NPNT: variants seen among roughly 807,000 people sequenced by gnomAD.
NPNT encodes preosteoblast EGF-like repeat protein with MAM domain.
In NPNT, 45 loss-of-function variants were observed where a neutral mutation model predicts 68.6. The ratio of observed to expected loss-of-function variants is 0.66; its 90% CI spans 0.52 to 0.84. The LOEUF is 0.84. NPNT is among the 40% of genes least tolerant of loss of function. The probability of loss-of-function intolerance (pLI) is 0.00; values close to 1 mark genes in which losing one functional copy is unlikely to be tolerated. For missense variants in NPNT, 672 were observed against 714.8 expected, an observed-to-expected ratio of 0.94 and a Z score of 0.68; for synonymous variants, 233 against 253.3, an observed-to-expected ratio of 0.92 and a Z score of 0.76.
rs75701372 is a variant in NPNT at position 105,916,088 on chromosome 4, A to C, written c.173-11248A>C. Among the ~76,000 whole-genome samples the C allele has an allele frequency of 4.5e-3, 686 of 152,342 alleles. 4 individuals carry two copies. The highest frequency in any genetic ancestry group is 0.016 in the African/African-American group (653 of 41,574). The stretch of plus-strand genomic sequence containing the variant: ...ATTTGTTTATATCAAGGGCTGAAAA[A>C]AAGTCATCCTCTACAAACATATTTT... On this transcript the variant is annotated intron_variant, in intron 2 of 11. Transcript: ENST00000379987.
At chr4:105,951,779 C>T (rs531357240) in intron 8 of NPNT, among the ~76,000 whole-genome samples, 15 of 152,232 alleles carry the variant, frequency 9.9e-5, no homozygotes, top group African/African-American at 3.1e-4. Context: ...TCATTCTCTC[C>T]AAAACGTATA....
In NPNT at chr4:105,967,241, C is replaced by A. The variant is rs371602917; in HGVS notation, c.1399C>A (p.Arg467Ser). Residue 467 changes from arginine to serine, a missense_variant, in exon 11 of 12, where the codon CGC (arginine) becomes AGC (serine). Transcript: ENST00000379987. ...AAKAPGGKAA[R>S]LVLPLGRLMH... ...CAAAGCCCCAGGGGGAAAAGCTGCA[C>A]GCTTGGTGCTACCTCTCGGCCGCCT... is the stretch of plus-strand genomic sequence containing the variant. The A allele has an allele frequency of 1.9e-6, 3 of 1,613,870 alleles. No individual in the cohort carries two copies. The highest frequency in any genetic ancestry group is 2.5e-6 in the Non-Finnish European group (3 of 1,179,962).
intron 2 of NPNT, among the ~76,000 whole-genome samples, chr4:105,902,988 C>A (rs1726542789): frequency 6.6e-6 from 1 of 152,138 alleles, no homozygotes; most frequent in African/African-American, 2.4e-5. Flanking sequence ...ACTTCTTAAG[C>A]TAGAAGGCCA....
At chr4:105,938,226 G>C in intron 4 of NPNT, 75 bp from the exon 5 acceptor site, 1 of 1,473,812 alleles carries the variant, frequency 6.8e-7, no homozygotes, top group Non-Finnish European at 9.3e-7. Flanking sequence ...TTCAGGACAA[G>C]TGAAAAAACA....
intron 7 of NPNT, among the ~76,000 whole-genome samples, chr4:105,941,243 AG>A (rs1266118410): frequency 6.6e-6 from 1 of 152,110 alleles, no homozygotes; most frequent in East Asian, 1.9e-4. Context: ...CAGGAGGATG[AG>A]GTGCTAGGAT....
At chr4:105,937,470 G>T (rs978772347) in intron 4 of NPNT, among the ~76,000 whole-genome samples, 1 of 138,666 alleles carries the variant, frequency 7.2e-6, no homozygotes, top group Non-Finnish European at 1.6e-5. Context: ...AAAAAAAAAA[G>T]AACACTACTG....
At chr4:105,941,472 A>C (rs114802369) in intron 7 of NPNT, among the ~76,000 whole-genome samples, 1 of 152,210 alleles carries the variant, frequency 6.6e-6, no homozygotes, top group African/African-American at 2.4e-5. Flanking sequence ...AAAAAAACCC[A>C]AAAGTCATAA....
intron 2 of NPNT, among the ~76,000 whole-genome samples, chr4:105,917,862 A>G (rs1727945210): frequency 6.6e-6 from 1 of 152,244 alleles, no homozygotes; most frequent in African/African-American, 2.4e-5. Flanking sequence ...CAAGGGTCAT[A>G]TCATGAAATA....
chr4:105,967,566 T>C, intron 11 of NPNT, 122 bp downstream of exon 11: 3 of 971,730 alleles, frequency 3.1e-6, no homozygotes, highest in Non-Finnish European at 4.3e-6. Flanking sequence ...TTTGGGTTTT[T>C]TTCTGGGCCT....
chr4:105,955,824 T>A (rs1578676923), intron 8 of NPNT, among the ~76,000 whole-genome samples: 1 of 152,154 alleles, frequency 6.6e-6, no homozygotes, highest in Non-Finnish European at 1.5e-5. Context: ...GGTAGTTTTT[T>A]TTCTCTTGAA....
intron 2 of NPNT, among the ~76,000 whole-genome samples, chr4:105,913,105 G>A (rs995115405): frequency 3.9e-5 from 6 of 152,196 alleles, no homozygotes; most frequent in African/African-American, 1.2e-4. Flanking sequence ...GACCTCAGGT[G>A]ATCTGCCGGC....
At chr4:105,927,522 A>G in intron 3 of NPNT, 94 bp downstream of exon 3, 2 of 613,622 alleles carry the variant, frequency 3.3e-6, no homozygotes, top group East Asian at 3.0e-5. Context: ...TTCCATGGCT[A>G]TTTTTCCAAA....
intron 2 of NPNT, among the ~76,000 whole-genome samples, chr4:105,921,972 C>A (rs1728289931): frequency 6.6e-6 from 1 of 152,150 alleles, no homozygotes; most frequent in Non-Finnish European, 1.5e-5. Flanking sequence ...TTCTCTGTCC[C>A]CTTTTCTTCT....
At chr4:105,950,354 C>A (rs80086399) in intron 8 of NPNT, among the ~76,000 whole-genome samples, 131,617 of 152,024 alleles carry the variant, frequency 0.87, 57,618 homozygotes, top group East Asian at 1. Flanking sequence ...TTATTTTATG[C>A]TTATCTTAAG....
chr4:105,956,872 A>T (rs1731269211), intron 8 of NPNT, among the ~76,000 whole-genome samples: 1 of 152,172 alleles, frequency 6.6e-6, no homozygotes, highest in Non-Finnish European at 1.5e-5. Context: ...AGTATGGATT[A>T]TAAGAGGGGA....
intron 2 of NPNT, among the ~76,000 whole-genome samples, chr4:105,908,432 A>C (rs753312572): frequency 4.6e-5 from 7 of 152,184 alleles, no homozygotes; most frequent in Non-Finnish European, 1.0e-4. Context: ...GATGTTATTC[A>C]CTTACTCTGA....
chr4:105,929,437 TTCTC>T (rs1199121220), intron 3 of NPNT: 1 of 152,230 alleles, frequency 6.6e-6, no homozygotes, highest in African/African-American at 2.4e-5. Context: ...AATGCTTGTT[TTCTC>T]TCTAATACTC....
chr4:105,923,318 T>A (rs898301140), intron 2 of NPNT, among the ~76,000 whole-genome samples: 4 of 152,126 alleles, frequency 2.6e-5, no homozygotes, highest in Non-Finnish European at 5.9e-5. Context: ...AAATAAAGTT[T>A]TTTTTTTACA....
At chr4:105,913,557 T>G (rs1400032068) in intron 2 of NPNT, among the ~76,000 whole-genome samples, 4 of 152,204 alleles carry the variant, frequency 2.6e-5, no homozygotes, top group African/African-American at 9.7e-5. Context: ...AGGAGGTGGC[T>G]TCCACAGTTC....
Sources: allele counts gnomAD v4.1 joint callset (sites outside exome capture counted in the v4.1 genomes callset), GRCh38; gene constraint gnomAD v4.1.1; transcripts MANE v1.5; gene names NCBI Gene and HGNC (gene_info 2026-07-23, HGNC 2026-07-21).